Variants in CERS2 observed in about 807,000 individuals in gnomAD.
The protein encoded by CERS2 is LAG1 homolog, ceramide synthase 2.
In CERS2, 20 loss-of-function variants were observed where a neutral mutation model predicts 56.6. The ratio of observed to expected loss-of-function variants is 0.35; its 90% confidence interval spans 0.25 to 0.51. CERS2 has a LOEUF of 0.51. Ranked by LOEUF, CERS2 falls within the 20% of genes least tolerant of loss-of-function variation. CERS2 has a pLI of 0.96. For missense variants in CERS2, 361 were observed against 488.6 expected (o/e 0.74, Z 2.46); for synonymous variants, 187 against 175.4 (o/e 1.07, Z -0.52).
intron 1 of CERS2, among the ~76,000 whole-genome samples, chr1:150,971,614 A>G (rs1671182126): frequency 1.3e-5 from 2 of 152,102 alleles, no homozygotes; most frequent in Admixed American, 1.3e-4. Context: ...AAACAGATGG[A>G]AGCCTTCTGA....
chr1:150,966,063 A>C lies in CERS2; in HGVS notation c.*85T>G. 1.6e-5 allele frequency: 22 copies of C among 1,342,760 alleles called. No individual in the cohort carries two copies. Among genetic ancestry groups the C allele is most frequent in the Non-Finnish European group, 2.1e-5 (21 of 989,138 alleles). The allele number at this position is 1,342,760 out of a possible 1,614,324, so 83.2% of individuals were successfully genotyped here. A position where few individuals can be genotyped will look rare whatever the true frequency, so the allele number is the denominator to read the frequency against. On this transcript the variant is annotated 3_prime_UTR_variant, in exon 11 of 11. Transcript: ENST00000368954. ...TCCTCTCACTTTCTCCTTTTTCCCC[A>C]GAGCTTAAAGTGACCCTATAGCGCA...
At chr1:150,974,591 CG>C in intron 1 of CERS2, 27 bp downstream of exon 1, 1 of 149,358 alleles carries the variant, frequency 6.7e-6, no homozygotes, top group Non-Finnish European at 1.5e-5. Context: ...GCGCGGGGCT[CG>C]GGCGCCGGGC....
chr1:150,968,149 T>A lies in CERS2; in HGVS notation c.344A>T (p.Glu115Val), dbSNP rs267738. 16 of 1,609,368 alleles carry A rather than the reference T, an allele frequency of 9.9e-6. No homozygotes were observed. The highest frequency in any genetic ancestry group is 1.3e-5 in the Non-Finnish European group (15 of 1,179,976). ...RQSGLSGRQV[E>V]RWFRRRRNQD... ...GTTGCGGCGGCGACGGAACCAACGC[T>A]CTACCTGGCGGCCAGAGAGCCCGCT... The change falls in exon 4 of 11, where the codon GAG (glutamate) becomes GTG (valine). Residue 115 changes from glutamate (E) to valine (V), a missense_variant. Glu to Val is a moderately radical substitution (Grantham distance 121). Coordinates refer to ENST00000368954, the MANE Select transcript of CERS2 (RefSeq NM_022075.5).
Position 150,968,117 on chromosome 1 carries a change from G to T in CERS2, c.376C>A (p.Arg126=), listed in dbSNP as rs1671074274. 1.2e-6 allele frequency: 2 copies of T among 1,609,998 alleles called. No individual in the cohort carries two copies. The highest frequency in any genetic ancestry group is 1.1e-5 in the South Asian group (1 of 91,090). ...RWFRRRRNQD[R]PSLLKKFREA... ...CGGAACTTCTTGAGGAGACTGGGCCGGTCCTGGTTGCGGCGGCGACGGAAC... is the reference window on the plus strand; with the variant it reads ...CGGAACTTCTTGAGGAGACTGGGCCTGTCCTGGTTGCGGCGGCGACGGAAC... The change falls in exon 4 of 11, where the codon CGG becomes AGG. Residue 126 remains arginine (R), a synonymous_variant. Transcript: ENST00000368954.
rs192415603 is a variant in CERS2 at position 150,965,527 on chromosome 1, G to T, written c.*621C>A. On this transcript the variant is annotated 3_prime_UTR_variant, in exon 11 of 11. Coordinates refer to ENST00000368954, the MANE Select transcript of CERS2 (RefSeq NM_022075.5). ...CAGATCTTAGACCTGTCGCTACAGGGACAGCTGAAAGAAGTAGCACTAAGA... is the reference window on the plus strand; with the variant it reads ...CAGATCTTAGACCTGTCGCTACAGGTACAGCTGAAAGAAGTAGCACTAAGA... The T allele has an allele frequency of 2.7e-4, 41 of 152,806 alleles. No individual in the cohort carries two copies. The highest frequency in any genetic ancestry group is 1.1e-3 in the Admixed American group (17 of 15,284). The allele number at this position is 152,806 out of a possible 1,614,324, so 9.5% of individuals were successfully genotyped here.
Position 150,967,130 on chromosome 1 carries a change from T to G in CERS2, c.685A>C (p.Ile229Leu), listed in dbSNP as rs780171742. Residue 229 changes from isoleucine to leucine, a missense_variant, in exon 8 of 11, where the codon ATC (isoleucine) becomes CTC (leucine). Ile to Leu is a conservative substitution (Grantham distance 5). Around this residue, in one of 3 missense-constraint regions of CERS2, gnomAD observed 236 missense variants for 309.2 expected, o/e 0.76. Coordinates refer to ENST00000368954, the MANE Select transcript of CERS2 (RefSeq NM_022075.5). The stretch of plus-strand genomic sequence containing the variant: ...GCCATGATTAGAGTCCCAGCTCGGA[T>G]GTAATTGGCAAACCAGGAAAAGCTG... ...LISFSWFANY[I>L]RAGTLIMALH... 6 of 1,613,834 alleles carry G rather than the reference T, an allele frequency of 3.7e-6. No individual in the cohort carries two copies. In the Admixed American group the frequency reaches 1.0e-4, roughly 27 times the overall value.
At chr1:150,968,896 G>A (rs763869057) in intron 2 of CERS2, 22 bp downstream of exon 2, 3 of 1,606,190 alleles carry the variant, frequency 1.9e-6, no homozygotes, top group Admixed American at 1.7e-5. Context: ...GGGAAGGCAT[G>A]AGGGTAGGCT....
At chr1:150,970,963 G>A (rs1326466290) in intron 1 of CERS2, among the ~76,000 whole-genome samples, 1 of 152,150 alleles carries the variant, frequency 6.6e-6, no homozygotes, top group Non-Finnish European at 1.5e-5. Context: ...GTGACCACTT[G>A]GATACCCAGA....
rs753008002 is a variant in CERS2 at position 150,966,206 on chromosome 1, C to T, written c.1085G>A (p.Ser362Asn). The part of the protein sequence containing the change: ...EEAAAGGGAK[S>N]RPLANGHPIL... ...GGGGTGGCCATTGGCTAGGGGCCGG[C>T]TCTTTGCTCCTCCCCCAGCTGCAGC... The change falls in exon 11 of 11, where the codon AGC becomes AAC. Residue 362 changes from serine to asparagine, a missense_variant. Physicochemically the swap from Ser to Asn is conservative, Grantham distance 46. Transcript: ENST00000368954. The T allele has an allele frequency of 6.2e-6, 10 of 1,607,262 alleles. No individual in the cohort carries two copies. The Admixed American group carries it at 1.4e-4, about 22-fold the overall frequency.
intron 1 of CERS2, chr1:150,972,034 C>T: frequency 2.5e-6 from 1 of 407,568 alleles, no homozygotes. Context: ...TGCTGGACTC[C>T]TGGGGCCCAG....
At chr1:150,970,711 T>C (rs1298871888) in intron 1 of CERS2, among the ~76,000 whole-genome samples, 4 of 151,792 alleles carry the variant, frequency 2.6e-5, no homozygotes, top group Non-Finnish European at 5.9e-5. Context: ...AGAAACAGGG[T>C]TTTGCCATGT....
At position 150,968,207 on chromosome 1, in the gene CERS2, C is replaced by G. The variant is rs936161388; in HGVS notation, c.292-6G>C. ...GACAAAAGCTCTACTTCCACCTGGG[C>G]ACAGTGAAGAAGCCCATTGTTATGT... is the stretch of plus-strand genomic sequence containing the variant. On this transcript the variant is annotated splice_polypyrimidine_tract_variant and splice_region_variant and intron_variant, in intron 3 of 10. Coordinates refer to ENST00000368954, the MANE Select transcript of CERS2 (RefSeq NM_022075.5). The G allele has an allele frequency of 1.2e-6, 2 of 1,608,540 alleles. No homozygotes were observed. Among genetic ancestry groups the G allele is most frequent in the Non-Finnish European group, 1.7e-6 (2 of 1,179,350 alleles).
chr1:150,971,331 T>C (rs768761439), intron 1 of CERS2, among the ~76,000 whole-genome samples: 1 of 152,214 alleles, frequency 6.6e-6, no homozygotes, highest in Non-Finnish European at 1.5e-5. Context: ...GGGCTGGTCC[T>C]GCTGCTGCTC....
In CERS2 at chr1:150,967,661, T is replaced by G; in HGVS notation, c.519+3A>C. 1 of 1,612,062 alleles carries G rather than the reference T, an allele frequency of 6.2e-7. No homozygotes were observed. The highest frequency in any genetic ancestry group is 8.5e-7 in the Non-Finnish European group (1 of 1,178,100). On this transcript the variant is annotated splice_donor_region_variant and intron_variant, in intron 6 of 10. Transcript: ENST00000368954. ...CCCCCACATGAGGAAGCAGAACTCATACCTGTATGGGATATCCCTCCCAAA... is the reference window on the plus strand; with the variant it reads ...CCCCCACATGAGGAAGCAGAACTCAGACCTGTATGGGATATCCCTCCCAAA...
At chr1:150,971,806 G>C in intron 1 of CERS2, 1 of 464,052 alleles carries the variant, frequency 2.2e-6, no homozygotes. Context: ...CCACTTTTTT[G>C]CTCAGCCTGA....
intron 1 of CERS2, among the ~76,000 whole-genome samples, chr1:150,973,358 G>C (rs1470306323): frequency 6.6e-6 from 1 of 152,218 alleles, no homozygotes; most frequent in African/African-American, 2.4e-5. Flanking sequence ...GCAGGGAGAC[G>C]CCGGTGGGTT....
At chr1:150,967,952 C>A (rs1671070544) in intron 4 of CERS2, 75 bp from the exon 5 acceptor site, 4 of 1,398,426 alleles carry the variant, frequency 2.9e-6, no homozygotes, top group Non-Finnish European at 2.0e-6. Flanking sequence ...CCTGCAGATA[C>A]CCTCACAAGA....
At chr1:150,968,677 G>A (rs1360113680) in intron 2 of CERS2, among the ~76,000 whole-genome samples, 165 bp from the exon 3 acceptor site, 1 of 152,176 alleles carries the variant, frequency 6.6e-6, no homozygotes, top group East Asian at 1.9e-4. Flanking sequence ...GTGTTCACTA[G>A]TGGCCAGGCG....
Position 150,966,375 on chromosome 1 carries a change from C to A in CERS2, c.1003-87G>T. ...TCTCTGAGGGCTTGTTCCTGTTATA[C>A]CCAGGGCTCCACACTAGTTTTTTAG... On this transcript the variant is annotated intron_variant, in intron 10 of 10. Coordinates refer to ENST00000368954, the MANE Select transcript of CERS2 (RefSeq NM_022075.5). 4.4e-6 allele frequency: 7 copies of A among 1,597,690 alleles called. No individual in the cohort carries two copies. The South Asian group carries it at 6.7e-5, about 15-fold the overall frequency.
Sources: gnomAD v4.1 joint callset for allele counts (sites outside exome capture counted in the v4.1 genomes callset) on GRCh38, gnomAD v4.1.1 for gene constraint, gnomAD v4.1.1 regional missense constraint, MANE v1.5 for transcripts, NCBI Gene and HGNC (gene_info 2026-07-23, HGNC 2026-07-21) for gene names.